The following MYCL variants were observed in gnomAD, a reference collection of about 807,000 sequenced individuals.
MYCL encodes the protein MYCL proto-oncogene, bHLH transcription factor.
In MYCL, 11 loss-of-function variants were observed where a neutral mutation model predicts 31.0. That is an observed-to-expected ratio of 0.35 (90% CI 0.22 to 0.59). The LOEUF (loss-of-function observed/expected upper bound fraction) is 0.59. Ranked by LOEUF, MYCL falls within the 20% of genes least tolerant of loss-of-function variation. MYCL has a pLI of 0.79. For missense variants in MYCL, 427 were observed against 486.1 expected (o/e 0.88, Z 1.14); for synonymous variants, 208 against 202.4 (o/e 1.03, Z -0.23).
chr1:39,897,443 T>C lies in MYCL; in HGVS notation c.1024A>G (p.Thr342Ala), dbSNP rs139681051. 2.1e-5 allele frequency: 34 copies of C among 1,614,030 alleles called. No individual in the cohort carries two copies. In the African/African-American group the frequency reaches 3.7e-4, roughly 18 times the overall value. ...CGGCATCGGAGCTGTCTTTTCTCTG[T>C]AGCCATCCTCTTCTCAGCCCCCACC... Reference protein sequence around the residue: ...ALVGAEKRMATEKRQLRCRQQ... With the variant: ...ALVGAEKRMAAEKRQLRCRQQ... Residue 342 changes from threonine to alanine, a missense_variant, in exon 2 of 2, where the codon ACA (threonine) becomes GCA (alanine). By Grantham distance (58) the Thr-to-Ala change is moderately conservative. Coordinates refer to ENST00000372816, the MANE Select transcript of MYCL (RefSeq NM_001033081.3). The surrounding 1 kb of genome is among the most constrained non-coding windows in gnomAD (Gnocchi z 4.3).
In MYCL at chr1:39,901,916, T is replaced by A; in HGVS notation, c.-482A>T. The A allele has an allele frequency of 1.0e-5, 11 of 1,080,712 alleles. No individual in the cohort carries two copies. Among genetic ancestry groups the A allele is most frequent in the Non-Finnish European group, 1.3e-5 (11 of 878,952 alleles). 66.9% of individuals were successfully genotyped at this position (1,080,712 alleles called of 1,614,324 possible). A position where few individuals can be genotyped will look rare whatever the true frequency, so the allele number is the denominator to read the frequency against. On this transcript the variant is annotated 5_prime_UTR_variant, in exon 1 of 2. Coordinates refer to ENST00000372816, the MANE Select transcript of MYCL (RefSeq NM_001033081.3). The surrounding 1 kb of genome is among the most constrained non-coding windows in gnomAD (Gnocchi z 6.9). ...GCGCCGCCGAGAGCGCGGCCCGCAC[T>A]CACAAGCGCGCCCCCCCCGCGCGCG...
At chr1:39,898,272 C>T (rs528485732) in intron 1 of MYCL, among the ~76,000 whole-genome samples, 24 of 152,334 alleles carry the variant, frequency 1.6e-4, no homozygotes, top group African/African-American at 2.4e-5. Context: ...CAAAGGCTCT[C>T]CCCTCCCCCA....
At position 39,901,685 on chromosome 1, in the gene MYCL, G is replaced by C. The variant is rs1275676527; in HGVS notation, c.-251C>G. 2.4e-6 allele frequency: 3 copies of C among 1,266,628 alleles called. No homozygotes were observed. The African/African-American group carries it at 4.7e-5, about 20-fold the overall frequency. 78.5% of individuals were successfully genotyped at this position (1,266,628 alleles called of 1,614,324 possible). ...GTTCAAAGCAAACTTTGCCAGCGCC[G>C]CCCGGAGCGCAGCTCCCAGGGCCCG... On this transcript the variant is annotated 5_prime_UTR_variant, in exon 1 of 2. Transcript: ENST00000372816. This position sits in a 1 kb window ranked among gnomAD's most constrained non-coding sequence, Gnocchi z 6.9.
chr1:39,900,262 G>A, intron 1 of MYCL: 1 of 985,620 alleles, frequency 1.0e-6, no homozygotes, highest in Non-Finnish European at 1.2e-6. Context: ...AGGAAGAGGT[G>A]CCTGGTTGGG....
In MYCL at chr1:39,900,671, G is replaced by C. The variant is rs575202811; in HGVS notation, c.496+268C>G. 8 of 1,374,730 alleles carry C rather than the reference G, an allele frequency of 5.8e-6. No homozygotes were observed. The African/African-American group carries it at 1.1e-4, about 18-fold the overall frequency. 85.2% of individuals were successfully genotyped at this position (1,374,730 alleles called of 1,614,324 possible). A position where few individuals can be genotyped will look rare whatever the true frequency, so the allele number is the denominator to read the frequency against. ...CCAACCCCAGTATTGTCCTCTCTAAGCGCCAACCCTCACCTCAAATCCCTT... is the reference window on the plus strand; with the variant it reads ...CCAACCCCAGTATTGTCCTCTCTAACCGCCAACCCTCACCTCAAATCCCTT... On this transcript the variant is annotated intron_variant, in intron 1 of 1. Coordinates refer to ENST00000372816, the MANE Select transcript of MYCL (RefSeq NM_001033081.3).
chr1:39,900,655 G>T, intron 1 of MYCL: 1 of 1,355,496 alleles, frequency 7.4e-7, no homozygotes, highest in Non-Finnish European at 9.5e-7. Flanking sequence ...TCCAACCCCA[G>T]TATTGTCCTC....
At chr1:39,900,221 A>C in intron 1 of MYCL, 1 of 985,530 alleles carries the variant, frequency 1.0e-6, no homozygotes, top group Non-Finnish European at 1.2e-6. Context: ...AGTGCTTCTA[A>C]GATAAGCTAC....
In MYCL at chr1:39,897,447, C is replaced by A; in HGVS notation, c.1020G>T (p.Met340Ile). ...LQALVGAEKRMATEKRQLRCR... is the reference protein window; with the variant it reads ...LQALVGAEKRIATEKRQLRCR... ...ATCGGAGCTGTCTTTTCTCTGTAGC[C>A]ATCCTCTTCTCAGCCCCCACCAGGG... The change falls in exon 2 of 2, where the codon ATG becomes ATT. Residue 340 changes from methionine to isoleucine, a missense_variant. Met to Ile is a conservative substitution (Grantham distance 10). Transcript: ENST00000372816. This position sits in a 1 kb window ranked among gnomAD's most constrained non-coding sequence, Gnocchi z 4.3. 1 of 1,614,024 alleles carries A rather than the reference C, an allele frequency of 6.2e-7. No homozygotes were observed. The highest frequency in any genetic ancestry group is 8.5e-7 in the Non-Finnish European group (1 of 1,179,868).
chr1:39,897,347 C>G lies in MYCL; in HGVS notation c.*25G>C. 3 of 1,551,310 alleles carry G rather than the reference C, an allele frequency of 1.9e-6. No homozygotes were observed. The highest frequency in any genetic ancestry group is 2.6e-6 in the Non-Finnish European group (3 of 1,147,844). On this transcript the variant is annotated 3_prime_UTR_variant, in exon 2 of 2. Coordinates refer to ENST00000372816, the MANE Select transcript of MYCL (RefSeq NM_001033081.3). The surrounding 1 kb of genome is among the most constrained non-coding windows in gnomAD (Gnocchi z 4.3). ...AAAATAAACTTGTGTCTTCGTAAGA[C>G]AGAACTGTCAGGCTTTTTGGTCAGT...
chr1:39,901,022 C>T lies in MYCL; in HGVS notation c.413G>A (p.Gly138Asp), dbSNP rs2124719744. 6.7e-7 allele frequency: 1 copy of T among 1,497,772 alleles called. No homozygotes were observed. Among genetic ancestry groups the T allele is most frequent in the Admixed American group, 2.4e-5 (1 of 40,938 alleles). 92.8% of individuals were successfully genotyped at this position (1,497,772 alleles called of 1,614,324 possible). A position where few individuals can be genotyped will look rare whatever the true frequency, so the allele number is the denominator to read the frequency against. ...ACAGGGGGCGGCGGGCGCCGGGTTGCCGGCTTCGAGGCTGGGAGTGCAGTC... is the reference window on the plus strand; with the variant it reads ...ACAGGGGGCGGCGGGCGCCGGGTTGTCGGCTTCGAGGCTGGGAGTGCAGTC... ...APDCTPSLEA[G>D]NPAPAAPCPL... Residue 138 changes from glycine (G) to aspartate (D), a missense_variant, in exon 1 of 2, where the codon GGC (glycine) becomes GAC (aspartate). Gly to Asp is a moderately conservative substitution (Grantham distance 94). Transcript: ENST00000372816. This position sits in a 1 kb window ranked among gnomAD's most constrained non-coding sequence, Gnocchi z 6.9.
Position 39,901,783 on chromosome 1 carries a change from G to A in MYCL, c.-349C>T, listed in dbSNP as rs776728741. ...AGCCCGCACCGCGGGACCCGCGCCC[G>A]TGCCCTGGCCACCCGCAGCCTCACC... On this transcript the variant is annotated 5_prime_UTR_variant, in exon 1 of 2. In the 5' UTR this introduces an upstream ATG that the reference lacks. Transcript: ENST00000372816. The surrounding 1 kb of genome is among the most constrained non-coding windows in gnomAD (Gnocchi z 6.9). The A allele has an allele frequency of 3.2e-6, 4 of 1,268,012 alleles. No individual in the cohort carries two copies. In the South Asian group the frequency reaches 5.7e-5, roughly 18 times the overall value. The allele number at this position is 1,268,012 out of a possible 1,614,324, so 78.5% of individuals were successfully genotyped here.
At chr1:39,898,519 G>C (rs1644504918) in intron 1 of MYCL, 2 of 313,500 alleles carry the variant, frequency 6.4e-6, no homozygotes, top group Non-Finnish European at 9.3e-6. Flanking sequence ...TGAAGATTCA[G>C]AGAAGGGAGG....
chr1:39,901,083 G>A lies in MYCL; in HGVS notation c.352C>T (p.Pro118Ser), dbSNP rs1399409765. 2 of 1,570,728 alleles carry A rather than the reference G, an allele frequency of 1.3e-6. No homozygotes were observed. Among genetic ancestry groups the A allele is most frequent in the Non-Finnish European group, 1.7e-6 (2 of 1,158,236 alleles). Residue 118 changes from proline (P) to serine (S), a missense_variant, in exon 1 of 2, where the codon CCC becomes TCC. Coordinates refer to ENST00000372816, the MANE Select transcript of MYCL (RefSeq NM_001033081.3). This position sits in a 1 kb window ranked among gnomAD's most constrained non-coding sequence, Gnocchi z 6.9. ...AVSDRLAPGA[P>S]RGNPPKASAA... ...GACGCCTTGGGCGGGTTCCCCCGGG[G>A]CGCGCCAGGAGCGAGCCGGTCGCTC...
intron 1 of MYCL, 81 bp from the exon 2 acceptor site, chr1:39,898,051 G>A (rs1260295687): frequency 3.3e-6 from 5 of 1,519,128 alleles, no homozygotes; most frequent in African/African-American, 1.4e-5. Flanking sequence ...AGCTGTCTAC[G>A]CTGGTGCTTG....
Position 39,901,611 on chromosome 1 carries a change from G to A in MYCL, c.-177C>T. The A allele has an allele frequency of 7.1e-7, 1 of 1,407,900 alleles. No homozygotes were observed. The allele number at this position is 1,407,900 out of a possible 1,614,324, so 87.2% of individuals were successfully genotyped here. A position where few individuals can be genotyped will look rare whatever the true frequency, so the allele number is the denominator to read the frequency against. ...CCGGGAAGCCGGGCCCCGGGTCAGA[G>A]TGGTAGGGGAAGCCAATCGCAGCGC... On this transcript the variant is annotated 5_prime_UTR_variant, in exon 1 of 2. Coordinates refer to ENST00000372816, the MANE Select transcript of MYCL (RefSeq NM_001033081.3). This position sits in a 1 kb window ranked among gnomAD's most constrained non-coding sequence, Gnocchi z 6.9.
chr1:39,901,013 G>A lies in MYCL; in HGVS notation c.422C>T (p.Ala141Val), dbSNP rs1331262686. The change falls in exon 1 of 2, where the codon GCG (alanine) becomes GTG (valine). Residue 141 changes from alanine (A) to valine (V), a missense_variant. Transcript: ENST00000372816. The surrounding 1 kb of genome is among the most constrained non-coding windows in gnomAD (Gnocchi z 6.9). ...GCCCAGCGGACAGGGGGCGGCGGGC[G>A]CCGGGTTGCCGGCTTCGAGGCTGGG... Reference protein sequence around the residue: ...CTPSLEAGNPAPAAPCPLGEP... With the variant: ...CTPSLEAGNPVPAAPCPLGEP... 6.7e-7 allele frequency: 1 copy of A among 1,490,232 alleles called. No individual in the cohort carries two copies. Among genetic ancestry groups the A allele is most frequent in the Non-Finnish European group, 8.9e-7 (1 of 1,121,564 alleles). The allele number at this position is 1,490,232 out of a possible 1,614,324, so 92.3% of individuals were successfully genotyped here.
rs1388714849 is a variant in MYCL at position 39,901,912 on chromosome 1, G to T, written c.-478C>A. The T allele has an allele frequency of 1.8e-6, 2 of 1,114,944 alleles. No homozygotes were observed. The highest frequency in any genetic ancestry group is 5.0e-5 in the Admixed American group (1 of 19,956). 69.1% of individuals were successfully genotyped at this position (1,114,944 alleles called of 1,614,324 possible). A position where few individuals can be genotyped will look rare whatever the true frequency, so the allele number is the denominator to read the frequency against. ...ATGCGCGCCGCCGAGAGCGCGGCCC[G>T]CACTCACAAGCGCGCCCCCCCCGCG... On this transcript the variant is annotated 5_prime_UTR_variant, in exon 1 of 2. Coordinates refer to ENST00000372816, the MANE Select transcript of MYCL (RefSeq NM_001033081.3). The surrounding 1 kb of genome is among the most constrained non-coding windows in gnomAD (Gnocchi z 6.9).
At chr1:39,898,521 G>A (rs1181498041) in intron 1 of MYCL, 1 of 316,234 alleles carries the variant, frequency 3.2e-6, no homozygotes, top group Non-Finnish European at 4.6e-6. Flanking sequence ...AAGATTCAGA[G>A]AAGGGAGGGC....
At position 39,901,823 on chromosome 1, in the gene MYCL, C is replaced by G. The variant is rs557909271; in HGVS notation, c.-389G>C. 1,023 of 1,277,990 alleles carry G rather than the reference C, an allele frequency of 8.0e-4. 13 individuals are homozygous for G. The African/African-American group carries it at 0.014, about 17-fold the overall frequency. 79.2% of individuals were successfully genotyped at this position (1,277,990 alleles called of 1,614,324 possible). A position where few individuals can be genotyped will look rare whatever the true frequency, so the allele number is the denominator to read the frequency against. ...GCAGCCTCACCTCGCTCCAGCCGCC[C>G]GCCACCTGGAGCGGACCGGCTCCCC... is the stretch of plus-strand genomic sequence containing the variant. On this transcript the variant is annotated 5_prime_UTR_variant, in exon 1 of 2. Coordinates refer to ENST00000372816, the MANE Select transcript of MYCL (RefSeq NM_001033081.3). The surrounding 1 kb of genome is among the most constrained non-coding windows in gnomAD (Gnocchi z 6.9).
Sources: gnomAD v4.1 joint callset for allele counts (sites outside exome capture counted in the v4.1 genomes callset) on GRCh38, gnomAD v4.1.1 for gene constraint, Gnocchi (gnomAD v3.1) non-coding constraint, MANE v1.5 for transcripts, NCBI Gene and HGNC (gene_info 2026-07-23, HGNC 2026-07-21) for gene names.